Variants in NR3C1 observed in about 807,000 individuals in gnomAD.
NR3C1 encodes the protein glucocorticoid receptor.
Under a neutral mutation model 74.0 loss-of-function variants are expected in NR3C1, and 14 were observed. The ratio of observed to expected loss-of-function variants is 0.19; its 90% confidence interval spans 0.12 to 0.30. The LOEUF is 0.30. Ranked by LOEUF, NR3C1 falls within the 10% of genes least tolerant of loss-of-function variation. NR3C1 has a pLI of 1.00. For missense variants in NR3C1, 695 were observed against 909.8 expected, an observed-to-expected ratio of 0.76 and a Z score of 3.04; for synonymous variants, 308 against 332.5, an observed-to-expected ratio of 0.93 and a Z score of 0.80.
At chr5:143,411,485 T>C (rs1479002506) in intron 1 of NR3C1, among the ~76,000 whole-genome samples, 4 of 152,218 alleles carry the variant, frequency 2.6e-5, no homozygotes, top group Non-Finnish European at 4.4e-5. Flanking sequence ...CCAACATTCA[T>C]GTTGGGACTT....
intron 2 of NR3C1, among the ~76,000 whole-genome samples, chr5:143,341,980 G>C (rs1015712247): frequency 2.6e-5 from 4 of 152,048 alleles, no homozygotes; most frequent in African/African-American, 9.7e-5. Flanking sequence ...GCTTGTCCAG[G>C]ATGATGCAAT....
At chr5:143,433,252 CAG>C (rs1276965465) in intron 1 of NR3C1, among the ~76,000 whole-genome samples, 1 of 151,944 alleles carries the variant, frequency 6.6e-6, no homozygotes, top group African/African-American at 2.4e-5. Context: ...CTAAAGTTCA[CAG>C]AGTTTTATTT....
intron 3 of NR3C1, among the ~76,000 whole-genome samples, chr5:143,311,653 T>C (rs1820957209): frequency 6.6e-6 from 1 of 152,202 alleles, no homozygotes; most frequent in Non-Finnish European, 1.5e-5. Context: ...GACTCATTTA[T>C]TTATTTATTT....
In NR3C1 at chr5:143,373,131, C is replaced by T. The variant is rs182978108; in HGVS notation, c.1184+26525G>A. Among the ~76,000 whole-genome samples the T allele has an allele frequency of 1.7e-3, 266 of 152,262 alleles. 1 individual carries two copies. The highest frequency in any genetic ancestry group is 4.1e-3 in the Admixed American group (63 of 15,302). The stretch of plus-strand genomic sequence containing the variant: ...TAAAAGTTGATGAGAACACTTCTAA[C>T]GCTCCTTGGAAACAATTTGGCATTA... On this transcript the variant is annotated intron_variant, in intron 2 of 8. Coordinates refer to ENST00000394464, the MANE Select transcript of NR3C1 (RefSeq NM_000176.3).
intron 2 of NR3C1, among the ~76,000 whole-genome samples, chr5:143,338,006 T>C (rs1410792662): frequency 6.6e-6 from 1 of 152,180 alleles, no homozygotes; most frequent in Non-Finnish European, 1.5e-5. Flanking sequence ...GCTAGCTTTA[T>C]TATTATTATT....
chr5:143,281,873 A>T lies in NR3C1; in HGVS notation c.*16T>A, dbSNP rs1813167773. ...TAATTCGACTTTCTTTAAGGCAACC[A>T]TTCTTATTAAGGCAGTCACTTTTGA... On this transcript the variant is annotated 3_prime_UTR_variant, in exon 9 of 9. Coordinates refer to ENST00000394464, the MANE Select transcript of NR3C1 (RefSeq NM_000176.3). 1 of 1,611,418 alleles carries T rather than the reference A, an allele frequency of 6.2e-7. No individual in the cohort carries two copies. The highest frequency in any genetic ancestry group is 8.5e-7 in the Non-Finnish European group (1 of 1,177,982).
chr5:143,303,546 A>C (rs1436378060), intron 4 of NR3C1, among the ~76,000 whole-genome samples: 2 of 152,070 alleles, frequency 1.3e-5, no homozygotes, highest in Non-Finnish European at 2.9e-5. Context: ...CTAAAAAAGC[A>C]ATCTAGAAAG....
chr5:143,332,026 A>G (rs1281924743), intron 2 of NR3C1, among the ~76,000 whole-genome samples: 1 of 152,214 alleles, frequency 6.6e-6, no homozygotes, highest in Admixed American at 6.5e-5. Flanking sequence ...ACCTTTATCC[A>G]TAGTTTAAAA....
Position 143,400,027 on chromosome 5 carries a change from T to C in NR3C1, c.813A>G (p.Val271=), listed in dbSNP as rs1839962532. ...TTTCTGTTTTCACTTGGGGCAGTGT[T>C]ACATTACTGGGGCTTGACAAAACCA... is the stretch of plus-strand genomic sequence containing the variant. The part of the protein sequence containing the change: ...GDLVLSSPSN[V]TLPQVKTEKE... The change falls in exon 2 of 9, where the codon GTA becomes GTG. Residue 271 remains valine (V), a synonymous_variant. Transcript: ENST00000394464. 6.2e-7 allele frequency: 1 copy of C among 1,614,100 alleles called. No homozygotes were observed. Among genetic ancestry groups the C allele is most frequent in the Non-Finnish European group, 8.5e-7 (1 of 1,180,040 alleles).
chr5:143,316,854 A>C (rs1822196087), intron 2 of NR3C1, among the ~76,000 whole-genome samples: 1 of 152,180 alleles, frequency 6.6e-6, no homozygotes, highest in African/African-American at 2.4e-5. Flanking sequence ...TTAAGTCTAA[A>C]TCCTAGGACC....
intron 7 of NR3C1, among the ~76,000 whole-genome samples, chr5:143,293,110 A>G (rs1816324350): frequency 6.6e-6 from 1 of 152,178 alleles, no homozygotes; most frequent in African/African-American, 2.4e-5. Flanking sequence ...TAAACTTACT[A>G]AATATACAGA....
At chr5:143,386,189 G>A (rs1199611158) in intron 2 of NR3C1, among the ~76,000 whole-genome samples, 1 of 152,174 alleles carries the variant, frequency 6.6e-6, no homozygotes, top group Non-Finnish European at 1.5e-5. Flanking sequence ...GAGAACAGCA[G>A]AGGAGAAGTC....
At chr5:143,402,953 C>T (rs1282797277) in intron 1 of NR3C1, 1 of 747,030 alleles carries the variant, frequency 1.3e-6, no homozygotes, top group Non-Finnish European at 1.6e-6. Flanking sequence ...CGACAGGGCT[C>T]CGCTCGCCGT....
intron 2 of NR3C1, among the ~76,000 whole-genome samples, chr5:143,345,020 G>A (rs1390238751): frequency 3.3e-5 from 5 of 152,042 alleles, no homozygotes; most frequent in South Asian, 2.1e-4. Flanking sequence ...CCCACATCCC[G>A]AAGCTGTGTG....
At chr5:143,368,133 A>T (rs527983457) in intron 2 of NR3C1, among the ~76,000 whole-genome samples, 1 of 152,230 alleles carries the variant, frequency 6.6e-6, no homozygotes, top group Non-Finnish European at 1.5e-5. Flanking sequence ...AGACCATTCA[A>T]TGGGGAAAGA....
chr5:143,409,976 A>T (rs1286300140), intron 1 of NR3C1, among the ~76,000 whole-genome samples: 1 of 152,236 alleles, frequency 6.6e-6, no homozygotes, highest in Non-Finnish European at 1.5e-5. Context: ...TGCTGGCAGA[A>T]CTTAGTTTAA....
In NR3C1 at chr5:143,306,646, A is replaced by G. The variant is rs530874829; in HGVS notation, c.1468+3451T>C. Among the ~76,000 whole-genome samples, 205 of 152,280 alleles carry G rather than the reference A, an allele frequency of 1.3e-3. 2 individuals are homozygous for G. Among genetic ancestry groups the G allele is most frequent in the African/African-American group, 4.7e-3 (194 of 41,554 alleles). On this transcript the variant is annotated intron_variant, in intron 4 of 8. Transcript: ENST00000394464. ...TAACAAATCAGAATTTTCTTCCACT[A>G]TGTAGTATAAAAATGGATATAAAGT...
intron 3 of NR3C1, among the ~76,000 whole-genome samples, chr5:143,310,887 A>G (rs1820785713): frequency 2.0e-5 from 3 of 151,876 alleles, no homozygotes; most frequent in Non-Finnish European, 4.4e-5. Context: ...CGATCTCAGG[A>G]CCTCGTGATC....
At position 143,295,550 on chromosome 5, in the gene NR3C1, G is replaced by A. The variant is rs1816988536; in HGVS notation, c.1933C>T (p.His645Tyr). 6.2e-7 allele frequency: 1 copy of A among 1,613,152 alleles called. No homozygotes were observed. Among genetic ancestry groups the A allele is most frequent in the Non-Finnish European group, 8.5e-7 (1 of 1,179,404 alleles). Reference protein sequence around the residue: ...TLPCMYDQCKHMLYVSSELHR... With the variant: ...TLPCMYDQCKYMLYVSSELHR... ...AACTCAGAGGAAACATACAGCATGT[G>A]TTTACATTGGTCGTACATGCAGGGT... is the stretch of plus-strand genomic sequence containing the variant. The change falls in exon 7 of 9, where the codon CAC (histidine) becomes TAC (tyrosine). Residue 645 changes from histidine to tyrosine, a missense_variant. By Grantham distance (83) the His-to-Tyr change is moderately conservative. This residue lies in a region of NR3C1 where 133 missense variants were observed against 287.9 expected (regional missense o/e 0.46). Coordinates refer to ENST00000394464, the MANE Select transcript of NR3C1 (RefSeq NM_000176.3).
Sources: allele counts gnomAD v4.1 joint callset (sites outside exome capture counted in the v4.1 genomes callset), GRCh38; gene constraint gnomAD v4.1.1; regional missense constraint gnomAD v4.1.1; transcripts MANE v1.5; gene names NCBI Gene and HGNC (gene_info 2026-07-23, HGNC 2026-07-21).